Variants in DSG3 observed in about 807,000 individuals in gnomAD.
The protein encoded by DSG3 is desmoglein-3.
In DSG3, 63 loss-of-function variants were observed where a neutral mutation model predicts 85.9. That is an observed-to-expected ratio of 0.73 (90% CI 0.60 to 0.90). DSG3 has a LOEUF of 0.90. DSG3 is among the 40% of genes least tolerant of loss of function. DSG3 has a pLI of 0.00. For synonymous variants in DSG3, 447 were observed against 441.9 expected, an observed-to-expected ratio of 1.01 and a Z score of -0.14; for missense variants, 1,220 against 1,219.9, an observed-to-expected ratio of 1.00 and a Z score of 0.00.
intron 11 of DSG3, among the ~76,000 whole-genome samples, chr18:31,466,984 T>C (rs943089147): frequency 2.0e-5 from 3 of 152,240 alleles, no homozygotes; most frequent in African/African-American, 7.2e-5. Context: ...AGGGTTCGTT[T>C]GATATTTTAA....
intron 11 of DSG3, 72 bp downstream of exon 11, chr18:31,466,826 A>C (rs1163286560): frequency 1.5e-6 from 2 of 1,373,440 alleles, no homozygotes. Context: ...AAGGAAGATC[A>C]TTTAAGAGCA....
In DSG3 at chr18:31,474,280, G is replaced by T; in HGVS notation, c.2261G>T (p.Gly754Val). 2.5e-6 allele frequency: 4 copies of T among 1,614,212 alleles called. No individual in the cohort carries two copies. Among genetic ancestry groups the T allele is most frequent in the Non-Finnish European group, 3.4e-6 (4 of 1,180,042 alleles). ...GAASGFGAAT[G>V]VGICSSGQSG... The stretch of plus-strand genomic sequence containing the variant: ...GCTTCAGGATTCGGAGCAGCCACTG[G>T]AGTTGGCATCTGTTCCTCAGGGCAG... Residue 754 changes from glycine to valine, a missense_variant, in exon 15 of 16, where the codon GGA (glycine) becomes GTA (valine). Coordinates refer to ENST00000257189, the MANE Select transcript of DSG3 (RefSeq NM_001944.3).
At chr18:31,456,762 A>G (rs570450555) in intron 2 of DSG3, among the ~76,000 whole-genome samples, 2 of 152,340 alleles carry the variant, frequency 1.3e-5, no homozygotes, top group African/African-American at 4.8e-5. Flanking sequence ...TAAAAAGAAA[A>G]TATAAAATAC....
At chr18:31,472,148 A>G in intron 12 of DSG3, 136 bp from the exon 13 acceptor site, 1 of 1,202,718 alleles carries the variant, frequency 8.3e-7, no homozygotes, top group Non-Finnish European at 1.2e-6. Flanking sequence ...GTAGAAACTA[A>G]TTTTGGTTTT....
chr18:31,456,112 C>T (rs914864843), intron 1 of DSG3, among the ~76,000 whole-genome samples: 5 of 152,242 alleles, frequency 3.3e-5, no homozygotes, highest in Admixed American at 2.0e-4. Flanking sequence ...CTTCCAGGAA[C>T]GGTGTATAAA....
Position 31,447,812 on chromosome 18 carries a change from T to C in DSG3, c.-66T>C, listed in dbSNP as rs976083110. ...CAGAGGGCTTTTCTTAGACATCAAC[T>C]GCAGACGGCTGGCAGGATAGAAGCA... On this transcript the variant is annotated 5_prime_UTR_variant, in exon 1 of 16. Coordinates refer to ENST00000257189, the MANE Select transcript of DSG3 (RefSeq NM_001944.3). The C allele has an allele frequency of 2.8e-6, 4 of 1,404,888 alleles. No homozygotes were observed. The African/African-American group carries it at 5.9e-5, about 21-fold the overall frequency. 87.0% of individuals were successfully genotyped at this position (1,404,888 alleles called of 1,614,324 possible).
intron 12 of DSG3, among the ~76,000 whole-genome samples, chr18:31,471,247 A>G (rs934621852): frequency 6.6e-6 from 1 of 152,134 alleles, no homozygotes; most frequent in South Asian, 2.1e-4. Context: ...TGTCCCCCCA[A>G]AAAAATTCAT....
In DSG3 at chr18:31,463,041, G is replaced by A. The variant is rs151134753; in HGVS notation, c.1000-1070G>A. On this transcript the variant is annotated intron_variant, in intron 8 of 15. Coordinates refer to ENST00000257189, the MANE Select transcript of DSG3 (RefSeq NM_001944.3). Reference sequence around the variant, plus strand: ...GACTCCTCAGGTGACTCTACAGTCAGCCAGGGTTGCTAGCTCCTAGCCCTT... The same window carrying A: ...GACTCCTCAGGTGACTCTACAGTCAACCAGGGTTGCTAGCTCCTAGCCCTT... Among the ~76,000 whole-genome samples, 16 of 152,266 alleles carry A rather than the reference G, an allele frequency of 1.1e-4. No homozygotes were observed. The East Asian group carries it at 3.1e-3, about 29-fold the overall frequency.
chr18:31,456,680 G>T (rs1256256886), intron 2 of DSG3, among the ~76,000 whole-genome samples: 1 of 152,058 alleles, frequency 6.6e-6, no homozygotes, highest in Non-Finnish European at 1.5e-5. Flanking sequence ...TTTATTTCAT[G>T]CATTCTTTTC....
chr18:31,452,517 CAAAAAA>C (rs35886860), intron 1 of DSG3, among the ~76,000 whole-genome samples: 41 of 51,826 alleles, frequency 7.9e-4, no homozygotes, highest in South Asian at 2.0e-3. Context: ...GACTCCGTCT[CAAAAAA>C]AAAAAAAAAA....
intron 1 of DSG3, among the ~76,000 whole-genome samples, chr18:31,452,490 G>A (rs2704060): frequency 8.1e-6 from 1 of 122,762 alleles, no homozygotes; most frequent in Non-Finnish European, 1.6e-5. Context: ...CTGCACTTCA[G>A]CCTTGTGACA....
Position 31,474,402 on chromosome 18 carries a change from C to G in DSG3, c.2383C>G (p.Gln795Glu). Residue 795 changes from glutamine to glutamate, a missense_variant and splice_region_variant, in exon 15 of 16, where the codon CAG becomes GAG. Coordinates refer to ENST00000257189, the MANE Select transcript of DSG3 (RefSeq NM_001944.3). ...GAATTTTCTGGACTCCTACTTTTCTCAGGTAATTTGGTGAAAAACTTTGTG... is the reference window on the plus strand; with the variant it reads ...GAATTTTCTGGACTCCTACTTTTCTGAGGTAATTTGGTGAAAAACTTTGTG... ...SMNFLDSYFS[Q>E]KAFACAEEDD... 1 of 1,596,308 alleles carries G rather than the reference C, an allele frequency of 6.3e-7. No individual in the cohort carries two copies. Among genetic ancestry groups the G allele is most frequent in the Non-Finnish European group, 8.6e-7 (1 of 1,168,586 alleles).
intron 11 of DSG3, 82 bp downstream of exon 11, chr18:31,466,836 A>T: frequency 7.9e-7 from 1 of 1,268,776 alleles, no homozygotes; most frequent in Non-Finnish European, 1.1e-6. Flanking sequence ...ATTTAAGAGC[A>T]GGTCCTTCCA....
In DSG3 at chr18:31,457,600, CTTTCTTTCT is replaced by C. The variant is rs2072756105; in HGVS notation, c.216+479_216+487del. 3.4e-3 allele frequency among the ~76,000 whole-genome samples: 286 copies of C among 82,962 alleles called. 1 individual carries two copies. The highest frequency in any genetic ancestry group is 0.015 in the African/African-American group (227 of 15,352). 54.4% of individuals were successfully genotyped at this position (82,962 alleles called of 152,430 possible). ...TTCTTTCTTTCTTCTTTCTTTCTTT[CTTTCTTTCT>C]TTCTTTCTTTCTTTCTTTCTTTCTT... On this transcript the variant is annotated intron_variant, in intron 3 of 15. Coordinates refer to ENST00000257189, the MANE Select transcript of DSG3 (RefSeq NM_001944.3).
At chr18:31,459,285 T>C in intron 5 of DSG3, 108 bp downstream of exon 5, 6 of 1,104,544 alleles carry the variant, frequency 5.4e-6, no homozygotes, top group South Asian at 1.7e-5. Flanking sequence ...GTTTAATCAG[T>C]AGTTTTGAAA....
chr18:31,458,675 T>C, intron 4 of DSG3, 75 bp downstream of exon 4: 1 of 1,507,784 alleles, frequency 6.6e-7, no homozygotes, highest in Admixed American at 2.0e-5. Flanking sequence ...AGTTTTCTAC[T>C]GGTAAATTTA....
chr18:31,475,584 A>T, intron 15 of DSG3, 62 bp from the exon 16 acceptor site: 3 of 1,561,168 alleles, frequency 1.9e-6, no homozygotes, highest in Admixed American at 1.8e-5. Flanking sequence ...TACAAACAGT[A>T]TTATATTGTT....
At position 31,472,741 on chromosome 18, in the gene DSG3, G is replaced by A. The variant is rs1426692225; in HGVS notation, c.2054G>A (p.Cys685Tyr). ...HPEDKEITNI[C>Y]VPPVTANGAD... Reference sequence around the variant, plus strand: ...GGTTTGCAGGAAATCACAAATATTTGTGTGCCTCCTGTAACAGCCAATGGA... The same window carrying A: ...GGTTTGCAGGAAATCACAAATATTTATGTGCCTCCTGTAACAGCCAATGGA... Residue 685 changes from cysteine to tyrosine, a missense_variant, in exon 14 of 16, where the codon TGT (cysteine) becomes TAT (tyrosine). Physicochemically the swap from Cys to Tyr is radical, Grantham distance 194. Coordinates refer to ENST00000257189, the MANE Select transcript of DSG3 (RefSeq NM_001944.3). 2 of 1,613,960 alleles carry A rather than the reference G, an allele frequency of 1.2e-6. No individual in the cohort carries two copies. Among genetic ancestry groups the A allele is most frequent in the Non-Finnish European group, 8.5e-7 (1 of 1,179,924 alleles).
At chr18:31,466,118 T>C (rs922816496) in intron 10 of DSG3, among the ~76,000 whole-genome samples, 1 of 152,172 alleles carries the variant, frequency 6.6e-6, no homozygotes, top group African/African-American at 2.4e-5. Flanking sequence ...CTTTAACATT[T>C]TGAGTAATAA....
Sources: gnomAD v4.1 joint callset for allele counts (sites outside exome capture counted in the v4.1 genomes callset) on GRCh38, gnomAD v4.1.1 for gene constraint, MANE v1.5 for transcripts, NCBI Gene and HGNC (gene_info 2026-07-23, HGNC 2026-07-21) for gene names.